Variants in SRPK2 observed in about 807,000 individuals in gnomAD.
SRPK2 encodes SRSF protein kinase 2.
Under a neutral mutation model 90.8 loss-of-function variants are expected in SRPK2, and 21 were observed. That is an observed-to-expected ratio of 0.23 (90% CI 0.16 to 0.33). SRPK2 has a LOEUF of 0.33. Ranked by LOEUF, SRPK2 falls within the 10% of genes least tolerant of loss-of-function variation. The pLI, the probability that SRPK2 is intolerant of heterozygous loss-of-function variation, is 1.00. For synonymous variants in SRPK2, 288 were observed against 311.1 expected, an observed-to-expected ratio of 0.93 and a Z score of 0.78; for missense variants, 620 against 869.0, an observed-to-expected ratio of 0.71 and a Z score of 3.60.
intron 2 of SRPK2, among the ~76,000 whole-genome samples, chr7:105,230,958 T>A (rs1341650241): frequency 6.6e-6 from 1 of 152,236 alleles, no homozygotes. Flanking sequence ...TTTTAACTTT[T>A]AGGTTCAGGG....
intron 3 of SRPK2, among the ~76,000 whole-genome samples, chr7:105,201,881 C>T (rs1376205458): frequency 6.6e-6 from 1 of 151,848 alleles, no homozygotes; most frequent in East Asian, 1.9e-4. Flanking sequence ...AAGACTGTCT[C>T]AGAAAAAGAA....
intron 2 of SRPK2, among the ~76,000 whole-genome samples, chr7:105,378,822 A>T (rs1377242562): frequency 6.6e-6 from 1 of 152,124 alleles, no homozygotes; most frequent in Non-Finnish European, 1.5e-5. Context: ...TGAAAACCAT[A>T]ATGAAATATC....
At chr7:105,296,144 A>C (rs180840906) in intron 2 of SRPK2, among the ~76,000 whole-genome samples, 41 of 152,322 alleles carry the variant, frequency 2.7e-4, no homozygotes, top group Admixed American at 1.5e-3. Context: ...TGTTTCCATA[A>C]ACTACTCCAC....
intron 2 of SRPK2, among the ~76,000 whole-genome samples, chr7:105,289,203 G>A (rs1255423081): frequency 2.0e-5 from 3 of 151,464 alleles, no homozygotes; most frequent in African/African-American, 7.3e-5. Flanking sequence ...GAACCCAGGA[G>A]GTGGAGCTTG....
intron 2 of SRPK2, among the ~76,000 whole-genome samples, chr7:105,280,816 G>A (rs1446556159): frequency 1.3e-5 from 2 of 150,692 alleles, no homozygotes; most frequent in African/African-American, 2.4e-5. Flanking sequence ...GCGTGGTGGC[G>A]GGCACCTGTA....
At chr7:105,382,884 A>G (rs1821105501) in intron 2 of SRPK2, among the ~76,000 whole-genome samples, 1 of 152,146 alleles carries the variant, frequency 6.6e-6, no homozygotes, top group Admixed American at 6.6e-5. Context: ...ATAAAATCCA[A>G]GTAAAATCTT....
intron 2 of SRPK2, among the ~76,000 whole-genome samples, chr7:105,387,510 C>CT (rs77016884): frequency 0.019 from 2,649 of 137,046 alleles, 51 homozygotes; most frequent in African/African-American, 0.049. Context: ...ATGGTTTTTT[C>CT]TTTTTTTTTT....
chr7:105,238,228 C>A (rs1800363957), intron 2 of SRPK2, among the ~76,000 whole-genome samples: 1 of 152,190 alleles, frequency 6.6e-6, no homozygotes. Context: ...CCTAACTGAT[C>A]AATAGTCAAG....
In SRPK2 at chr7:105,298,760, G is replaced by C. The variant is rs1810168349; in HGVS notation, c.71+89888C>G. On this transcript the variant is annotated intron_variant, in intron 2 of 15. Transcript: ENST00000393651. ...CACGTTAGCAGTAGGAGACAGCAGA[G>C]GCACAGGGCCCACTCCAACAGAGCC... is the stretch of plus-strand genomic sequence containing the variant. The C allele has an allele frequency of 5.1e-6, 5 of 985,464 alleles. No homozygotes were observed. In the South Asian group the frequency reaches 2.3e-4, roughly 46 times the overall value. The allele number at this position is 985,464 out of a possible 1,614,324, so 61.0% of individuals were successfully genotyped here. A position where few individuals can be genotyped will look rare whatever the true frequency, so the allele number is the denominator to read the frequency against.
At chr7:105,311,108 A>C (rs879580482) in intron 2 of SRPK2, among the ~76,000 whole-genome samples, 2 of 152,190 alleles carry the variant, frequency 1.3e-5, no homozygotes, top group African/African-American at 2.4e-5. Context: ...GTGAAAAGGC[A>C]ACCTACAGAA....
intron 15 of SRPK2, among the ~76,000 whole-genome samples, chr7:105,121,172 A>G (rs1296821198): frequency 6.6e-6 from 1 of 151,834 alleles, no homozygotes; most frequent in Non-Finnish European, 1.5e-5. Flanking sequence ...ACATGGTGAA[A>G]CCCGATCTCT....
At chr7:105,301,077 T>C (rs183662068) in intron 2 of SRPK2, among the ~76,000 whole-genome samples, 12 of 152,328 alleles carry the variant, frequency 7.9e-5, no homozygotes, top group African/African-American at 9.6e-5. Context: ...TGTATGTTTA[T>C]TGCGGCATTA....
chr7:105,179,562 T>C (rs1481569016), intron 3 of SRPK2, among the ~76,000 whole-genome samples: 1 of 152,140 alleles, frequency 6.6e-6, no homozygotes, highest in African/African-American at 2.4e-5. Flanking sequence ...TGGTGGCTAA[T>C]GTCTGTAATC....
At chr7:105,389,347 T>C (rs976893561), upstream of SRPK2, 9 of 1,275,450 alleles carry the variant, frequency 7.1e-6, no homozygotes, top group African/African-American at 1.1e-4. Context: ...CTCCCTTTGC[T>C]CCTCTACATC....
At chr7:105,386,186 C>A (rs1273708701) in intron 2 of SRPK2, among the ~76,000 whole-genome samples, 2 of 151,606 alleles carry the variant, frequency 1.3e-5, no homozygotes, top group Non-Finnish European at 2.9e-5. Context: ...TGGTGGCGGG[C>A]GCCTGTAGTC....
chr7:105,383,053 A>ATTTTTTTTTTT (rs1161926443), intron 2 of SRPK2, among the ~76,000 whole-genome samples: 1 of 101,666 alleles, frequency 9.8e-6, no homozygotes, highest in African/African-American at 3.6e-5. Flanking sequence ...AAAAGTAAAA[A>ATTTTTTTTTTT]TTTTTTTTTT....
intron 2 of SRPK2, among the ~76,000 whole-genome samples, chr7:105,383,545 C>G (rs769651543): frequency 6.6e-6 from 1 of 151,692 alleles, no homozygotes; most frequent in Non-Finnish European, 1.5e-5. Flanking sequence ...CTCAGCCTCC[C>G]GAGTAGCTGG....
In SRPK2 at chr7:105,289,100, C is replaced by CAA. The variant is rs57131530; in HGVS notation, c.72-85317_72-85316dup. Among the ~76,000 whole-genome samples, 807 of 86,286 alleles carry CAA rather than the reference C, an allele frequency of 9.4e-3. 14 individuals are homozygous for CAA. Among genetic ancestry groups the CAA allele is most frequent in the Non-Finnish European group, 0.013 (582 of 46,260 alleles). 56.6% of individuals were successfully genotyped at this position (86,286 alleles called of 152,430 possible). A position where few individuals can be genotyped will look rare whatever the true frequency, so the allele number is the denominator to read the frequency against. ...TGAAACCCCATCTCTACTTAAAGCACAAAAAAAAAAAAAAAAAAAAAAAAT... is the reference window on the plus strand; with the variant it reads ...TGAAACCCCATCTCTACTTAAAGCACAAAAAAAAAAAAAAAAAAAAAAAAAAT... On this transcript the variant is annotated intron_variant, in intron 2 of 15. Coordinates refer to ENST00000393651, the MANE Select transcript of SRPK2 (RefSeq NM_182692.3).
chr7:105,137,408 TA>T (rs1803013255), intron 11 of SRPK2, among the ~76,000 whole-genome samples: 1 of 152,096 alleles, frequency 6.6e-6, no homozygotes, highest in Non-Finnish European at 1.5e-5. Flanking sequence ...AGTTAAGCCT[TA>T]AACAGTTCTC....
Sources: allele counts gnomAD v4.1 joint callset (sites outside exome capture counted in the v4.1 genomes callset), GRCh38; gene constraint gnomAD v4.1.1; transcripts MANE v1.5; gene names NCBI Gene and HGNC (gene_info 2026-07-23, HGNC 2026-07-21).